FARS2: variants seen among roughly 807,000 people sequenced by gnomAD.
FARS2 encodes phenylalanyl-tRNA synthetase 2, mitochondrial.
In FARS2, 40 loss-of-function variants were observed where a neutral mutation model predicts 46.4. The observed-to-expected ratio is 0.86, with a 90% confidence interval of 0.67 to 1.12. The LOEUF (loss-of-function observed/expected upper bound fraction) is 1.12. FARS2 is among the 50% of genes most tolerant of loss of function. The pLI is 0.00. For synonymous variants in FARS2, 234 were observed against 214.9 expected, an observed-to-expected ratio of 1.09 and a Z score of -0.78; for missense variants, 513 against 567.9, an observed-to-expected ratio of 0.90 and a Z score of 0.98.
At chr6:5,539,025 C>T (rs1017655524) in intron 4 of FARS2, among the ~76,000 whole-genome samples, 3 of 152,036 alleles carry the variant, frequency 2.0e-5, no homozygotes, top group African/African-American at 4.8e-5. Flanking sequence ...CCTCAGTCAC[C>T]TCAGCACTGG....
rs1054209248 is a variant in FARS2 at position 5,554,165 on chromosome 6, C to A, written c.1065+8825C>A. Among the ~76,000 whole-genome samples the A allele has an allele frequency of 3.3e-5, 5 of 152,160 alleles. No homozygotes were observed. The East Asian group carries it at 9.6e-4, about 29-fold the overall frequency. ...CTGAAACTCCTTCCTTCCTTTCTCC[C>A]TTGTATTTTTCAAGGTGAGGGAGCT... On this transcript the variant is annotated intron_variant, in intron 5 of 6. Transcript: ENST00000274680.
chr6:5,731,626 G>A (rs1731486258), intron 6 of FARS2, among the ~76,000 whole-genome samples: 1 of 152,154 alleles, frequency 6.6e-6, no homozygotes, highest in African/African-American at 2.4e-5. Context: ...CCATGTCATA[G>A]CAGGGCAGAA....
intron 5 of FARS2, chr6:5,610,227 A>G: frequency 1.9e-6 from 1 of 539,650 alleles, no homozygotes. Context: ...GACTTTAATG[A>G]TGTTTTTTCA....
intron 1 of FARS2, among the ~76,000 whole-genome samples, chr6:5,282,229 T>G (rs1393018318): frequency 6.6e-6 from 1 of 152,024 alleles, no homozygotes; most frequent in Non-Finnish European, 1.5e-5. Context: ...TGCTAGGGAG[T>G]CTCACTGCTC....
At chr6:5,753,946 C>T (rs1420778140) in intron 6 of FARS2, among the ~76,000 whole-genome samples, 2 of 152,122 alleles carry the variant, frequency 1.3e-5, no homozygotes, top group South Asian at 4.1e-4. Flanking sequence ...CACATGGCAC[C>T]GAAATTTTAG....
intron 5 of FARS2, among the ~76,000 whole-genome samples, chr6:5,586,077 G>A (rs1469213292): frequency 1.3e-5 from 2 of 151,976 alleles, no homozygotes; most frequent in Non-Finnish European, 2.9e-5. Context: ...TTTGTATCCT[G>A]CAACTATACT....
intron 6 of FARS2, among the ~76,000 whole-genome samples, chr6:5,702,768 G>T (rs1582797894): frequency 6.6e-6 from 1 of 152,194 alleles, no homozygotes; most frequent in Non-Finnish European, 1.5e-5. Flanking sequence ...AGCTAACTAG[G>T]ATTTTATTTT....
intron 5 of FARS2, among the ~76,000 whole-genome samples, chr6:5,585,882 C>G (rs1773588275): frequency 6.6e-6 from 1 of 152,004 alleles, no homozygotes; most frequent in South Asian, 2.1e-4. Context: ...GGGTACAGAT[C>G]TCTCTTCTAA....
intron 4 of FARS2, among the ~76,000 whole-genome samples, chr6:5,456,744 A>AAAAAAAAG (rs1554187511): frequency 0.027 from 4,022 of 148,952 alleles, 266 homozygotes; most frequent in African/African-American, 0.098. Context: ...AAAAAAAAAA[A>AAAAAAAAG]AAAAGAGATG....
chr6:5,430,909 A>G, intron 3 of FARS2, 132 bp from the exon 4 acceptor site: 1 of 876,498 alleles, frequency 1.1e-6, no homozygotes, highest in South Asian at 2.0e-5. Flanking sequence ...ACATGTTGCA[A>G]ATTAGTTTAT....
intron 3 of FARS2, among the ~76,000 whole-genome samples, chr6:5,425,914 CATT>C (rs1170422373): frequency 6.6e-6 from 1 of 152,178 alleles, no homozygotes; most frequent in East Asian, 1.9e-4. Context: ...TGAGGGCAAT[CATT>C]ATCCACGGTG....
chr6:5,511,078 G>A (rs781340616), intron 4 of FARS2, among the ~76,000 whole-genome samples: 49 of 152,194 alleles, frequency 3.2e-4, no homozygotes, highest in Non-Finnish European at 6.5e-4. Flanking sequence ...AGAAGGAGAG[G>A]CCAGATGGCA....
At chr6:5,331,423 T>TA (rs1770792899) in intron 1 of FARS2, among the ~76,000 whole-genome samples, 1 of 152,210 alleles carries the variant, frequency 6.6e-6, no homozygotes, top group Admixed American at 6.5e-5. Flanking sequence ...CCCCTTGGGA[T>TA]TCCCTGGCCA....
intron 6 of FARS2, among the ~76,000 whole-genome samples, chr6:5,723,500 T>A (rs1268054387): frequency 6.6e-6 from 1 of 152,190 alleles, no homozygotes; most frequent in Admixed American, 6.5e-5. Context: ...GCTCATAGGC[T>A]TGTTGAGAAC....
intron 1 of FARS2, among the ~76,000 whole-genome samples, chr6:5,290,012 TAG>T (rs1202734369): frequency 6.6e-6 from 1 of 152,184 alleles, no homozygotes; most frequent in Admixed American, 6.5e-5. Flanking sequence ...AAAAGCTAGT[TAG>T]AGAGTGTAAA....
At chr6:5,333,193 A>G (rs1475722038) in intron 1 of FARS2, among the ~76,000 whole-genome samples, 5 of 150,196 alleles carry the variant, frequency 3.3e-5, no homozygotes, top group Non-Finnish European at 4.5e-5. Flanking sequence ...ATTAAGCAAT[A>G]CTGTTTATTT....
intron 6 of FARS2, among the ~76,000 whole-genome samples, chr6:5,659,411 C>T (rs1211003405): frequency 1.3e-5 from 2 of 152,190 alleles, no homozygotes; most frequent in African/African-American, 2.4e-5. Flanking sequence ...AAGGCCCTGC[C>T]ATCCCTTGAG....
At chr6:5,552,947 A>T (rs556946698) in intron 5 of FARS2, among the ~76,000 whole-genome samples, 15 of 152,222 alleles carry the variant, frequency 9.9e-5, no homozygotes, top group Non-Finnish European at 2.2e-4. Flanking sequence ...ATAAAACTTT[A>T]ATTTATACTT....
intron 3 of FARS2, among the ~76,000 whole-genome samples, chr6:5,429,120 A>C (rs963133481): frequency 6.6e-6 from 1 of 152,194 alleles, no homozygotes; most frequent in Non-Finnish European, 1.5e-5. Context: ...TAGGATTACA[A>C]AGGGGCATGA....
Sources: allele counts gnomAD v4.1 joint callset (sites outside exome capture counted in the v4.1 genomes callset), GRCh38; gene constraint gnomAD v4.1.1; transcripts MANE v1.5; gene names NCBI Gene and HGNC (gene_info 2026-07-23, HGNC 2026-07-21).